BRINP3: variants seen among roughly 807,000 people sequenced by gnomAD.
BRINP3 encodes the protein BMP/retinoic acid inducible neural specific 3.
In BRINP3, 19 loss-of-function variants were observed where a neutral mutation model predicts 71.0. The ratio of observed to expected loss-of-function variants is 0.27; its 90% CI spans 0.19 to 0.39. The LOEUF is 0.39. Among genes scored for constraint, BRINP3 ranks in the 10% least tolerant of loss-of-function variants. The pLI, the probability that BRINP3 is intolerant of heterozygous loss-of-function variation, is 1.00. For synonymous variants in BRINP3, 380 were observed against 337.7 expected (o/e 1.13, Z -1.37); for missense variants, 959 against 940.8 (o/e 1.02, Z -0.25).
At chr1:190,228,324 G>A (rs937677369) in intron 5 of BRINP3, among the ~76,000 whole-genome samples, 1 of 151,852 alleles carries the variant, frequency 6.6e-6, no homozygotes. Flanking sequence ...TAAGGTAACA[G>A]TAATTGAGTG....
At chr1:190,455,792 C>T (rs1369385698) in intron 1 of BRINP3, among the ~76,000 whole-genome samples, 2 of 152,066 alleles carry the variant, frequency 1.3e-5, no homozygotes, top group East Asian at 1.9e-4. Flanking sequence ...GACTTTGAAA[C>T]TGCATACATT....
At chr1:190,388,310 T>C (rs1191982619) in intron 2 of BRINP3, among the ~76,000 whole-genome samples, 1 of 151,832 alleles carries the variant, frequency 6.6e-6, no homozygotes, top group African/African-American at 2.4e-5. Flanking sequence ...GCTCCTACTG[T>C]GTTCCAGACA....
intron 7 of BRINP3, among the ~76,000 whole-genome samples, chr1:190,131,215 T>G (rs1654516053): frequency 6.6e-6 from 1 of 150,516 alleles, no homozygotes; most frequent in Non-Finnish European, 1.5e-5. Context: ...GGAAGCTAAC[T>G]CCAAAAACGT....
intron 2 of BRINP3, among the ~76,000 whole-genome samples, chr1:190,355,366 G>T (rs978243936): frequency 6.6e-6 from 1 of 151,748 alleles, no homozygotes; most frequent in Admixed American, 6.6e-5. Context: ...CCACTCATAA[G>T]ATTTGTATAA....
Position 190,246,146 on chromosome 1 carries a change from G to A in BRINP3, c.619-11669C>T, listed in dbSNP as rs7531624. Reference sequence around the variant, plus strand: ...GGGATTTTTAAAGTATGTATTTGTTGGAAAAACATTTTAAAAATAATTTAA... The same window carrying A: ...GGGATTTTTAAAGTATGTATTTGTTAGAAAAACATTTTAAAAATAATTTAA... On this transcript the variant is annotated intron_variant, in intron 4 of 7. Transcript: ENST00000367462. 2.5e-3 allele frequency among the ~76,000 whole-genome samples: 374 copies of A among 152,002 alleles called. 1 individual carries two copies. Among genetic ancestry groups the A allele is most frequent in the African/African-American group, 8.7e-3 (363 of 41,488 alleles).
chr1:190,245,459 G>T (rs1659504404), intron 4 of BRINP3, among the ~76,000 whole-genome samples: 1 of 151,614 alleles, frequency 6.6e-6, no homozygotes, highest in Non-Finnish European at 1.5e-5. Flanking sequence ...CAATAAACTG[G>T]CCCAAACTCT....
At chr1:190,210,453 A>G (rs1655886413) in intron 6 of BRINP3, among the ~76,000 whole-genome samples, 1 of 152,136 alleles carries the variant, frequency 6.6e-6, no homozygotes, top group Non-Finnish European at 1.5e-5. Context: ...GAGTTCAAAT[A>G]AATACAAACT....
rs554179090 is a variant in BRINP3, at chr1:190,141,951, G to A, written c.1184+18717C>T. On this transcript the variant is annotated intron_variant, in intron 7 of 7. Coordinates refer to ENST00000367462, the MANE Select transcript of BRINP3 (RefSeq NM_199051.3). ...TAATGTGAGGATCAAAAAAGATATC[G>A]ATTATGAAAAATATGAATAAAAGTT... Among the ~76,000 whole-genome samples, 15 of 151,874 alleles carry A rather than the reference G, an allele frequency of 9.9e-5. No individual in the cohort carries two copies. In the South Asian group the frequency reaches 2.9e-3, roughly 30 times the overall value.
At chr1:190,101,047 G>A (rs562061571) in intron 7 of BRINP3, among the ~76,000 whole-genome samples, 1 of 152,194 alleles carries the variant, frequency 6.6e-6, no homozygotes, top group East Asian at 1.9e-4. Context: ...CTTCCACCAT[G>A]AGATGATGCA....
At chr1:190,121,378 A>G (rs576531487) in intron 7 of BRINP3, among the ~76,000 whole-genome samples, 1 of 152,320 alleles carries the variant, frequency 6.6e-6, no homozygotes, top group East Asian at 1.9e-4. Flanking sequence ...ACAAACCAAC[A>G]ATAATTGTAC....
At chr1:190,309,559 A>G (rs902871557) in intron 2 of BRINP3, among the ~76,000 whole-genome samples, 3 of 151,798 alleles carry the variant, frequency 2.0e-5, no homozygotes, top group African/African-American at 4.8e-5. Flanking sequence ...AACAAAAATA[A>G]TTTTCAAATG....
intron 2 of BRINP3, among the ~76,000 whole-genome samples, chr1:190,336,816 T>G: frequency 1.5e-5 from 1 of 67,788 alleles, no homozygotes; most frequent in Non-Finnish European, 2.6e-5. Flanking sequence ...ACTCCCTCCC[T>G]TCCCTCCTTC....
chr1:190,322,580 A>C (rs919896635), intron 2 of BRINP3, among the ~76,000 whole-genome samples: 1 of 152,150 alleles, frequency 6.6e-6, no homozygotes, highest in South Asian at 2.1e-4. Flanking sequence ...AGTGATGAAG[A>C]CATTGCAAAG....
At chr1:190,122,575 TG>T (rs971512885) in intron 7 of BRINP3, among the ~76,000 whole-genome samples, 82 of 9,638 alleles carry the variant, frequency 8.5e-3, no homozygotes, top group African/African-American at 0.029. Flanking sequence ...GAGGGTAAAG[TG>T]GGGTGGGGGT....
chr1:190,390,379 T>A (rs543225950), intron 2 of BRINP3, among the ~76,000 whole-genome samples: 2 of 151,774 alleles, frequency 1.3e-5, no homozygotes, highest in East Asian at 3.9e-4. Flanking sequence ...GACATGACCA[T>A]GGTGTGAATG....
intron 2 of BRINP3, among the ~76,000 whole-genome samples, chr1:190,322,633 G>T (rs1666320810): frequency 6.6e-6 from 1 of 151,988 alleles, no homozygotes; most frequent in African/African-American, 2.4e-5. Flanking sequence ...ACCAGAAATG[G>T]TTTGACAAAC....
intron 2 of BRINP3, among the ~76,000 whole-genome samples, chr1:190,313,478 C>T (rs1219165318): frequency 6.6e-6 from 1 of 151,896 alleles, no homozygotes; most frequent in Non-Finnish European, 1.5e-5. Context: ...AGGGAAGCCT[C>T]CCTAAGTATA....
At chr1:190,289,822 T>C (rs1663722889) in intron 2 of BRINP3, among the ~76,000 whole-genome samples, 1 of 152,048 alleles carries the variant, frequency 6.6e-6, no homozygotes, top group Admixed American at 6.6e-5. Context: ...CTCCAATTAA[T>C]TCAGGTCCTC....
At chr1:190,236,698 G>T (rs1412971) in intron 4 of BRINP3, among the ~76,000 whole-genome samples, 86,211 of 151,676 alleles carry the variant, frequency 0.57, 24,742 homozygotes, top group Admixed American at 0.68. Context: ...GAGAAATAAT[G>T]TATAGTGTTG....
Sources: gnomAD v4.1 joint callset for allele counts (sites outside exome capture counted in the v4.1 genomes callset) on GRCh38, gnomAD v4.1.1 for gene constraint, MANE v1.5 for transcripts, NCBI Gene and HGNC (gene_info 2026-07-23, HGNC 2026-07-21) for gene names.